Variants in XPR1 observed in about 807,000 individuals in gnomAD.
XPR1 encodes the protein solute carrier family 53 member 1.
In XPR1, 28 loss-of-function variants were observed where a neutral mutation model predicts 87.5. The ratio of observed to expected loss-of-function variants is 0.32; its 90% CI spans 0.24 to 0.44. The LOEUF (loss-of-function observed/expected upper bound fraction) is 0.44, where lower values mean the gene tolerates loss of function less well. XPR1 is among the 20% of genes least tolerant of loss of function. XPR1 has a pLI of 1.00. For synonymous variants in XPR1, 300 were observed against 306.1 expected (o/e 0.98, Z 0.21); for missense variants, 559 against 862.3 (o/e 0.65, Z 4.41).
At chr1:180,827,177 A>AAAG (rs1491161217) in intron 9 of XPR1, among the ~76,000 whole-genome samples, 4 of 136,752 alleles carry the variant, frequency 2.9e-5, no homozygotes, top group African/African-American at 1.1e-4. Flanking sequence ...AAAAAAAAAA[A>AAAG]GGGGGTCTCC....
At chr1:180,880,661 G>T (rs1250976509) in intron 14 of XPR1, among the ~76,000 whole-genome samples, 3 of 152,130 alleles carry the variant, frequency 2.0e-5, no homozygotes, top group Non-Finnish European at 4.4e-5. Context: ...TTGACCAAAT[G>T]ACTTAATTTC....
chr1:180,648,462 A>G (rs977779116), intron 1 of XPR1, among the ~76,000 whole-genome samples: 5 of 152,244 alleles, frequency 3.3e-5, no homozygotes, highest in Non-Finnish European at 7.3e-5. Context: ...GGACCCCACT[A>G]AATATCTATA....
intron 11 of XPR1, 69 bp downstream of exon 11, chr1:180,836,785 C>G: frequency 6.5e-7 from 1 of 1,530,970 alleles, no homozygotes; most frequent in Non-Finnish European, 8.9e-7. Context: ...CTATTTCTTA[C>G]TCTGGCTACT....
chr1:180,870,820 A>G (rs1414332841), intron 12 of XPR1, among the ~76,000 whole-genome samples: 13 of 8,146 alleles, frequency 1.6e-3, no homozygotes. Context: ...ATTTACATTT[A>G]AAGTTAATAT....
chr1:180,668,085 TTTTA>T (rs1656022424), intron 1 of XPR1, among the ~76,000 whole-genome samples: 1 of 151,678 alleles, frequency 6.6e-6, no homozygotes, highest in African/African-American at 2.4e-5. Flanking sequence ...TCTCTATTTT[TTTTA>T]TTTATCTTTG....
chr1:180,709,022 C>T (rs1254140811), intron 2 of XPR1, among the ~76,000 whole-genome samples: 1 of 151,616 alleles, frequency 6.6e-6, no homozygotes, highest in African/African-American at 2.4e-5. Flanking sequence ...AGCAGTTCTC[C>T]TGCCTCAGCC....
chr1:180,647,137 T>G (rs1056634264), intron 1 of XPR1, among the ~76,000 whole-genome samples: 1 of 152,216 alleles, frequency 6.6e-6, no homozygotes, highest in African/African-American at 2.4e-5. Context: ...CAGTTCACAA[T>G]AGGGTTCACC....
At chr1:180,840,566 G>GTA (rs71579073) in intron 11 of XPR1, among the ~76,000 whole-genome samples, 2,152 of 136,258 alleles carry the variant, frequency 0.016, 25 homozygotes, top group Non-Finnish European at 0.02. Context: ...GTGTGTGTGT[G>GTA]TATATATATA....
chr1:180,875,971 T>C (rs758293888), intron 13 of XPR1, among the ~76,000 whole-genome samples: 2 of 139,980 alleles, frequency 1.4e-5, no homozygotes, highest in Non-Finnish European at 2.9e-5. Context: ...GAAAAAGCAG[T>C]GTGCCAAAAC....
At chr1:180,766,427 A>G (rs915889487) in intron 2 of XPR1, among the ~76,000 whole-genome samples, 39 of 152,160 alleles carry the variant, frequency 2.6e-4, no homozygotes, top group African/African-American at 9.4e-4. Context: ...AGTAGACATT[A>G]TTTGGGTATG....
intron 4 of XPR1, 75 bp from the exon 5 acceptor site, chr1:180,805,987 G>A (rs1649972904): frequency 1.3e-6 from 2 of 1,509,036 alleles, no homozygotes; most frequent in Non-Finnish European, 9.0e-7. Context: ...CTCTGTCAGT[G>A]CTTAGTGCTT....
chr1:180,669,931 G>A (rs1236576318), intron 1 of XPR1, among the ~76,000 whole-genome samples: 2 of 152,072 alleles, frequency 1.3e-5, no homozygotes, highest in East Asian at 1.9e-4. Flanking sequence ...CTGTATTATG[G>A]GTAAACAAAA....
chr1:180,640,826 G>A lies in XPR1; in HGVS notation c.69+8556G>A, dbSNP rs186994367. Among the ~76,000 whole-genome samples, 47 of 152,328 alleles carry A rather than the reference G, an allele frequency of 3.1e-4. No homozygotes were observed. In the East Asian group the frequency reaches 7.3e-3, roughly 24 times the overall value. On this transcript the variant is annotated intron_variant, in intron 1 of 14. Transcript: ENST00000367590. ...AAAAAGAGGAGGACAAAAGTGGACA[G>A]CTGTTTGCTGTGCTACAGTTTTGGT...
In XPR1 at chr1:180,706,457, A is replaced by G. The variant is rs543993179; in HGVS notation, c.121+24046A>G. ...CCCTTCTTCAGGAATACTGGAAAAA[A>G]TAGATGCATGATTTTCAATTAGCTG... On this transcript the variant is annotated intron_variant, in intron 2 of 14. Transcript: ENST00000367590. 5.3e-5 allele frequency among the ~76,000 whole-genome samples: 8 copies of G among 152,354 alleles called. No individual in the cohort carries two copies. The East Asian group carries it at 1.5e-3, about 29-fold the overall frequency.
At chr1:180,854,135 A>G (rs1651961774) in intron 11 of XPR1, among the ~76,000 whole-genome samples, 1 of 152,212 alleles carries the variant, frequency 6.6e-6, no homozygotes, top group Admixed American at 6.5e-5. Context: ...TCCTCATATA[A>G]GTCTGTTGCT....
chr1:180,772,095 TTCAG>T (rs1346533373), intron 2 of XPR1, among the ~76,000 whole-genome samples: 188 of 152,226 alleles, frequency 1.2e-3, no homozygotes, highest in African/African-American at 4.4e-3. Context: ...CACACATTTA[TTCAG>T]TTATTTATTT....
At chr1:180,680,011 T>C (rs191333714) in intron 1 of XPR1, among the ~76,000 whole-genome samples, 20 of 152,176 alleles carry the variant, frequency 1.3e-4, no homozygotes, top group Admixed American at 1.1e-3. Flanking sequence ...ATCTAGAATA[T>C]ACAAGGAACT....
intron 2 of XPR1, among the ~76,000 whole-genome samples, chr1:180,766,223 A>G (rs890670306): frequency 1.3e-5 from 2 of 152,218 alleles, no homozygotes; most frequent in African/African-American, 2.4e-5. Context: ...AATAATGTGC[A>G]CATTTCCAAA....
At chr1:180,857,831 T>TGTA in intron 11 of XPR1, among the ~76,000 whole-genome samples, 1 of 152,316 alleles carries the variant, frequency 6.6e-6, no homozygotes, top group South Asian at 2.1e-4. Context: ...GTATTCTAGT[T>TGTA]ATACAATAAA....
Sources: gnomAD v4.1 joint callset for allele counts (sites outside exome capture counted in the v4.1 genomes callset) on GRCh38, gnomAD v4.1.1 for gene constraint, MANE v1.5 for transcripts, NCBI Gene and HGNC (gene_info 2026-07-23, HGNC 2026-07-21) for gene names.